The following PTCH2 variants were observed in gnomAD, a reference collection of about 807,000 sequenced individuals.
PTCH2 encodes patched 2, also known as protein patched homolog 2.
PTCH2 carries 96 observed loss-of-function variants against 117.9 expected under a neutral mutation model. The observed-to-expected ratio is 0.81, with a 90% confidence interval of 0.69 to 0.96. The LOEUF is 0.96. Ranked by LOEUF, PTCH2 falls within the 50% of genes least tolerant of loss-of-function variation. The probability of loss-of-function intolerance (pLI) is 0.00; values close to 1 mark genes in which losing one functional copy is unlikely to be tolerated. For missense variants in PTCH2, 1,379 were observed against 1,562.5 expected, an observed-to-expected ratio of 0.88 and a Z score of 1.98; for synonymous variants, 615 against 660.9, an observed-to-expected ratio of 0.93 and a Z score of 1.06.
At chr1:44,839,383 A>AAAAAAC (rs1231819055) in intron 2 of PTCH2, among the ~76,000 whole-genome samples, 1 of 146,642 alleles carries the variant, frequency 6.8e-6, no homozygotes, top group East Asian at 2.0e-4. Context: ...AAAAAAAAAA[A>AAAAAAC]CAGAAAGAAA....
At chr1:44,841,803 G>A in intron 2 of PTCH2, 44 bp downstream of exon 2, 1 of 1,602,296 alleles carries the variant, frequency 6.2e-7, no homozygotes, top group South Asian at 1.1e-5. Flanking sequence ...TCTTGTCTTG[G>A]GCTCACCATA....
chr1:44,820,336 G>A, downstream of PTCH2: 1 of 513,094 alleles, frequency 1.9e-6, no homozygotes, highest in South Asian at 1.5e-5. Context: ...GGCGCCGGGT[G>A]CGGAGTCCTT....
chr1:44,828,987 GA>G lies in PTCH2; in HGVS notation c.1458del (p.Leu487SerfsTer47). On this transcript the variant is annotated frameshift_variant, in exon 11 of 22. Transcript: ENST00000372192. LOFTEE classifies it high-confidence loss of function. ...HAFTEALPGT[P>X]LQERMGECLQ... ...CCTGGGGGACAAGGCCCCACCTGGA[GA>G]GGGGTGCCAGGCAGAGCCTCTGTGA... is the stretch of plus-strand genomic sequence containing the variant. 1 of 1,556,896 alleles carries G rather than the reference GA, an allele frequency of 6.4e-7. No homozygotes were observed.
chr1:44,841,772 G>T, intron 2 of PTCH2, 75 bp downstream of exon 2: 1 of 1,548,788 alleles, frequency 6.5e-7, no homozygotes, highest in South Asian at 1.1e-5. Context: ...CTAGAGCTCA[G>T]TAGCCAGCTC....
In PTCH2 at chr1:44,822,521, A is replaced by G. The variant is rs779167991; in HGVS notation, c.3506T>C (p.Leu1169Pro). 2.5e-6 allele frequency: 4 copies of G among 1,610,994 alleles called. No homozygotes were observed. Among genetic ancestry groups the G allele is most frequent in the Non-Finnish European group, 3.4e-6 (4 of 1,177,656 alleles). The change falls in exon 22 of 22, where the codon CTG becomes CCG. Residue 1169 changes from leucine to proline, a missense_variant. Leu to Pro is a moderately conservative substitution (Grantham distance 98). Transcript: ENST00000372192. Reference sequence around the variant, plus strand: ...GGCTGGATGGATGTAGGCACCAGGCAGGGGGGGTGGGTGGATGGCCACGGT... The same window carrying G: ...GGCTGGATGGATGTAGGCACCAGGCGGGGGGGGTGGGTGGATGGCCACGGT... Reference protein sequence around the residue: ...SMTVAIHPPPLPGAYIHPAPD... With the variant: ...SMTVAIHPPPPPGAYIHPAPD...
At chr1:44,842,123 C>T (rs1420791512) in intron 1 of PTCH2, 84 bp from the exon 2 acceptor site, 2 of 1,322,796 alleles carry the variant, frequency 1.5e-6, no homozygotes, top group Admixed American at 1.7e-5. Context: ...TATCTGCTGC[C>T]CAGCCCTCGC....
rs1653065671 is a variant in PTCH2, at chr1:44,824,663, A to C, written c.3115-1278T>G. On this transcript the variant is annotated intron_variant, in intron 19 of 21. Transcript: ENST00000372192. ...CAGGCACGCACCACCATGCCCAGCT[A>C]ATTATTTAAAAAAAATTTTTTTTCT... Among the ~76,000 whole-genome samples the C allele has an allele frequency of 2.6e-5, 4 of 151,914 alleles. No homozygotes were observed. The South Asian group carries it at 8.3e-4, about 32-fold the overall frequency.
rs755144612 is a variant in PTCH2, at chr1:44,828,278, C to T, written c.1709+18G>A. 27 of 1,613,500 alleles carry T rather than the reference C, an allele frequency of 1.7e-5. No individual in the cohort carries two copies. Among genetic ancestry groups the T allele is most frequent in the Non-Finnish European group, 2.2e-5 (26 of 1,179,704 alleles). On this transcript the variant is annotated intron_variant, in intron 13 of 21. Transcript: ENST00000372192. ...TGGCGTGGGTCACGGGAGGAAGGGG[C>T]TGGGGCGCAGGCAGTACCTGGAGAA...
At position 44,822,599 on chromosome 1, in the gene PTCH2, C is replaced by A. The variant is rs1177852921; in HGVS notation, c.3428G>T (p.Trp1143Leu). 3.1e-6 allele frequency: 5 copies of A among 1,613,998 alleles called. No individual in the cohort carries two copies. The highest frequency in any genetic ancestry group is 4.2e-6 in the Non-Finnish European group (5 of 1,179,944). Residue 1143 changes from tryptophan (W) to leucine (L), a missense_variant, in exon 22 of 22, where the codon TGG (tryptophan) becomes TTG (leucine). Coordinates refer to ENST00000372192, the MANE Select transcript of PTCH2 (RefSeq NM_003738.5). Reference sequence around the variant, plus strand: ...CTGGGGCAGGGAGGAGGATGCCCCCCACCTAAGCCCGCCTCCCTGTGGAGC... The same window carrying A: ...CTGGGGCAGGGAGGAGGATGCCCCCAACCTAAGCCCGCCTCCCTGTGGAGC... ...PPAPQGGGLR[W>L]GASSSLPQSF...
At chr1:44,841,326 G>A (rs1653939943) in intron 2 of PTCH2, among the ~76,000 whole-genome samples, 1 of 151,938 alleles carries the variant, frequency 6.6e-6, no homozygotes, top group South Asian at 2.1e-4. Flanking sequence ...CATTAAATGG[G>A]CCTGGGTGCC....
chr1:44,837,861 G>C (rs898274123), intron 2 of PTCH2, among the ~76,000 whole-genome samples: 1 of 151,576 alleles, frequency 6.6e-6, no homozygotes. Flanking sequence ...GGCGGATCAC[G>C]AGGTCAGGAG....
chr1:44,828,323 C>T lies in PTCH2; in HGVS notation c.1682G>A (p.Arg561His), dbSNP rs375224102. 20 of 1,613,862 alleles carry T rather than the reference C, an allele frequency of 1.2e-5. No homozygotes were observed. Among genetic ancestry groups the T allele is most frequent in the East Asian group, 4.5e-5 (2 of 44,902 alleles). ...SLDLRRRHCQ[R>H]LDVLCCFSSP... ...GGAGAAGCAGCAGAGCACATCAAGG[C>T]GCTGGCAGTGGCGCCGCCGTAGGTC... The change falls in exon 13 of 22, where the codon CGC becomes CAC. Residue 561 changes from arginine to histidine, a missense_variant. Transcript: ENST00000372192.
Position 44,822,371 on chromosome 1 carries a change from ACCCCACACG to A in PTCH2, c.*35_*43del, listed in dbSNP as rs1652942935. Reference sequence around the variant, plus strand: ...ACACCAGACCCAGTGCTTCCCAGTGACCCCACACGCCCCACACATGGTCTCTGTGCTTCA... The same window carrying A: ...ACACCAGACCCAGTGCTTCCCAGTGACCCCACACATGGTCTCTGTGCTTCA... On this transcript the variant is annotated 3_prime_UTR_variant, in exon 22 of 22. Coordinates refer to ENST00000372192, the MANE Select transcript of PTCH2 (RefSeq NM_003738.5). The A allele has an allele frequency of 6.2e-7, 1 of 1,611,810 alleles. No individual in the cohort carries two copies. Among genetic ancestry groups the A allele is most frequent in the Admixed American group, 1.7e-5 (1 of 59,968 alleles).
At chr1:44,825,461 GAATATAAGTTCCTTGGAGGTAAAA>G (rs1276647402) in intron 19 of PTCH2, among the ~76,000 whole-genome samples, 2 of 152,080 alleles carry the variant, frequency 1.3e-5, no homozygotes, top group African/African-American at 4.8e-5. Context: ...TCTATCCCTA[GAATATAAGTTCCTTGGAGGTAAAA>G]AACTGTATTG....
At chr1:44,841,394 G>T (rs1653943516) in intron 2 of PTCH2, among the ~76,000 whole-genome samples, 1 of 152,110 alleles carries the variant, frequency 6.6e-6, no homozygotes, top group African/African-American at 2.4e-5. Context: ...CAGCCTTCTA[G>T]TTCTAACTTT....
chr1:44,827,347 C>G, intron 15 of PTCH2, 38 bp from the exon 16 acceptor site: 4 of 1,613,538 alleles, frequency 2.5e-6, no homozygotes, highest in Non-Finnish European at 3.4e-6. Context: ...TAGCTGGTGG[C>G]CCCAGGGCGT....
In PTCH2 at chr1:44,827,539, C is replaced by T. The variant is rs1177590348; in HGVS notation, c.2234G>A (p.Gly745Asp). 6.2e-7 allele frequency: 1 copy of T among 1,614,106 alleles called. No homozygotes were observed. The highest frequency in any genetic ancestry group is 1.1e-5 in the South Asian group (1 of 91,076). Residue 745 changes from glycine (G) to aspartate (D), a missense_variant, in exon 15 of 22, where the codon GGT becomes GAT. Gly to Asp is a moderately conservative substitution (Grantham distance 94, BLOSUM62 -1). Coordinates refer to ENST00000372192, the MANE Select transcript of PTCH2 (RefSeq NM_003738.5). ...TTGGGAGTGGGCGTAGTCAAAGCCA[C>T]CCTGGGTCACCAGGGCCACCTCGTA... The part of the protein sequence containing the change: ...SLYEVALVTQ[G>D]GFDYAHSQRA...
chr1:44,828,275 G>C lies in PTCH2; in HGVS notation c.1709+21C>G, dbSNP rs1282573469. 1.9e-6 allele frequency: 3 copies of C among 1,613,480 alleles called. No individual in the cohort carries two copies. The African/African-American group carries it at 4.0e-5, about 22-fold the overall frequency. Reference sequence around the variant, plus strand: ...GGCTGGCGTGGGTCACGGGAGGAAGGGGCTGGGGCGCAGGCAGTACCTGGA... The same window carrying C: ...GGCTGGCGTGGGTCACGGGAGGAAGCGGCTGGGGCGCAGGCAGTACCTGGA... On this transcript the variant is annotated intron_variant, in intron 13 of 21. Coordinates refer to ENST00000372192, the MANE Select transcript of PTCH2 (RefSeq NM_003738.5).
Position 44,831,673 on chromosome 1 carries a change from G to A in PTCH2, c.617+33C>T, listed in dbSNP as rs1484535524. 4.6e-6 allele frequency: 7 copies of A among 1,521,126 alleles called. No individual in the cohort carries two copies. The highest frequency in any genetic ancestry group is 6.3e-6 in the Non-Finnish European group (7 of 1,118,956). 94.2% of individuals were successfully genotyped at this position (1,521,126 alleles called of 1,614,324 possible). A position where few individuals can be genotyped will look rare whatever the true frequency, so the allele number is the denominator to read the frequency against. Reference sequence around the variant, plus strand: ...TTTCTGCTGGGAGAGTCCCCAGCGGGAGATGAAGCAGGGCCCCAGGAGTGG... The same window carrying A: ...TTTCTGCTGGGAGAGTCCCCAGCGGAAGATGAAGCAGGGCCCCAGGAGTGG... On this transcript the variant is annotated intron_variant, in intron 5 of 21. Transcript: ENST00000372192. The surrounding 1 kb of genome is among the most constrained non-coding windows in gnomAD (Gnocchi z 4.3).
Sources: allele counts gnomAD v4.1 joint callset (sites outside exome capture counted in the v4.1 genomes callset), GRCh38; gene constraint gnomAD v4.1.1; non-coding constraint Gnocchi (gnomAD v3.1); transcripts MANE v1.5; gene names NCBI Gene and HGNC (gene_info 2026-07-23, HGNC 2026-07-21).